Variants in RAPH1 observed in about 807,000 individuals in gnomAD.
RAPH1 encodes ras-associated and pleckstrin homology domains-containing protein 1.
In RAPH1, 18 loss-of-function variants were observed where a neutral mutation model predicts 88.1. The observed-to-expected ratio is 0.20, with a 90% confidence interval of 0.14 to 0.30. The LOEUF (loss-of-function observed/expected upper bound fraction) is 0.30, where lower values mean the gene tolerates loss of function less well. Ranked by LOEUF, RAPH1 falls within the 10% of genes least tolerant of loss-of-function variation. RAPH1 has a pLI of 1.00. For missense variants in RAPH1, 1,448 were observed against 1,543.2 expected (o/e 0.94, Z 1.03); for synonymous variants, 587 against 559.0 (o/e 1.05, Z -0.71).
intron 10 of RAPH1, among the ~76,000 whole-genome samples, chr2:203,452,547 T>G (rs1212817410): frequency 6.6e-6 from 1 of 152,214 alleles, no homozygotes; most frequent in Non-Finnish European, 1.5e-5. Context: ...CTCCTGTTGA[T>G]CTCTTATGTC....
chr2:203,513,217 G>GT (rs1689434689), intron 1 of RAPH1, among the ~76,000 whole-genome samples: 1 of 150,788 alleles, frequency 6.6e-6, no homozygotes, highest in South Asian at 2.1e-4. Flanking sequence ...AATGGGGGGG[G>GT]GAATAGATGA....
intron 1 of RAPH1, among the ~76,000 whole-genome samples, chr2:203,534,505 T>TCCCCCCCCCCCCCCCC (rs1486665508): frequency 1.4e-4 from 1 of 7,394 alleles, no homozygotes; most frequent in Non-Finnish European, 3.7e-4. Flanking sequence ...CCTCCCTCCG[T>TCCCCCCCCCCCCCCCC]CCACCCCCCC....
At chr2:203,531,280 A>G (rs1209422840) in intron 1 of RAPH1, among the ~76,000 whole-genome samples, 1 of 152,174 alleles carries the variant, frequency 6.6e-6, no homozygotes, top group African/African-American at 2.4e-5. Context: ...GGGGAGGGAT[A>G]GCACTAGGAG....
intron 1 of RAPH1, among the ~76,000 whole-genome samples, chr2:203,513,299 A>G (rs931537345): frequency 3.4e-5 from 5 of 148,482 alleles, no homozygotes; most frequent in African/African-American, 1.2e-4. Flanking sequence ...CTACTATTTA[A>G]TTACTGACTT....
At chr2:203,493,432 C>T (rs1402525881) in intron 2 of RAPH1, among the ~76,000 whole-genome samples, 1 of 152,152 alleles carries the variant, frequency 6.6e-6, no homozygotes, top group South Asian at 2.1e-4. Context: ...TGTCAGCTGG[C>T]CCTTGCATAC....
chr2:203,482,626 T>C (rs1394290629), intron 4 of RAPH1, among the ~76,000 whole-genome samples: 1 of 152,128 alleles, frequency 6.6e-6, no homozygotes, highest in African/African-American at 2.4e-5. Flanking sequence ...AAAAATACAC[T>C]GTCATGTATA....
rs948029446 is a variant in RAPH1 at position 203,441,290 on chromosome 2, G to A, written c.1900C>T (p.Pro634Ser). 1.4e-5 allele frequency: 21 copies of A among 1,532,704 alleles called. No individual in the cohort carries two copies. The highest frequency in any genetic ancestry group is 1.8e-5 in the Non-Finnish European group (21 of 1,138,166). 94.9% of individuals were successfully genotyped at this position (1,532,704 alleles called of 1,614,324 possible). A position where few individuals can be genotyped will look rare whatever the true frequency, so the allele number is the denominator to read the frequency against. ...GGAGGGGGTGGTGGAGGAGGAGGTG[G>A]GGGTGGCGGAGGAGGTAGAGGTGGT... ...PSPPLPPPPP[P>S]PPPPPPPPPP... is the part of the protein sequence containing the mutation. Residue 634 changes from proline to serine, a missense_variant, in exon 14 of 14, where the codon CCA becomes TCA. Transcript: ENST00000319170.
At position 203,439,614 on chromosome 2, in the gene RAPH1, T is replaced by A. The variant is rs777827792; in HGVS notation, c.3576A>T (p.Glu1192Asp). 6.2e-7 allele frequency: 1 copy of A among 1,614,094 alleles called. No homozygotes were observed. Among genetic ancestry groups the A allele is most frequent in the Non-Finnish European group, 8.5e-7 (1 of 1,180,012 alleles). ...CCATATCATCCATGGTGGCTGTTGG[T>A]TCTGCTCTGGACATGCGGGAGGAGA... ...GSLSSRMSRA[E>D]PTATMDDMAL... Residue 1192 changes from glutamate (E) to aspartate (D), a missense_variant, in exon 14 of 14, where the codon GAA becomes GAT. Physicochemically the swap from Glu to Asp is conservative, Grantham distance 45. Around this residue, in one of 2 missense-constraint regions of RAPH1, gnomAD observed 935 missense variants for 890.1 expected, o/e 1.05. Coordinates refer to ENST00000319170, the MANE Select transcript of RAPH1 (RefSeq NM_213589.3).
chr2:203,523,263 G>A (rs1689971901), intron 1 of RAPH1, among the ~76,000 whole-genome samples: 1 of 151,732 alleles, frequency 6.6e-6, no homozygotes, highest in African/African-American at 2.4e-5. Context: ...CGTGGTGGCG[G>A]GCGCCTGTAG....
At chr2:203,482,764 C>T (rs1687785331) in intron 4 of RAPH1, among the ~76,000 whole-genome samples, 1 of 152,004 alleles carries the variant, frequency 6.6e-6, no homozygotes, top group Non-Finnish European at 1.5e-5. Flanking sequence ...GATGGCACCA[C>T]TGCACTCCAG....
intron 1 of RAPH1, among the ~76,000 whole-genome samples, chr2:203,504,452 G>A (rs1688887809): frequency 6.6e-6 from 1 of 152,154 alleles, no homozygotes; most frequent in Non-Finnish European, 1.5e-5. Context: ...GGAGTGGCTG[G>A]GACACAGGGC....
At chr2:203,472,490 A>AC (rs1474715501) in intron 4 of RAPH1, among the ~76,000 whole-genome samples, 2 of 152,160 alleles carry the variant, frequency 1.3e-5, no homozygotes, top group Non-Finnish European at 2.9e-5. Flanking sequence ...AGCAACTATA[A>AC]CTTTCATTGC....
chr2:203,469,927 A>C (rs2098531603), intron 4 of RAPH1, among the ~76,000 whole-genome samples: 1 of 152,260 alleles, frequency 6.6e-6, no homozygotes, highest in African/African-American at 2.4e-5. Context: ...AAAAGTTACA[A>C]TTAAAGCAAT....
intron 4 of RAPH1, among the ~76,000 whole-genome samples, chr2:203,481,331 T>C (rs1188346786): frequency 4.6e-5 from 7 of 152,092 alleles, no homozygotes; most frequent in Non-Finnish European, 1.0e-4. Context: ...CTACCTCCGT[T>C]CCTTCCATTG....
At chr2:203,444,620 GT>G (rs200279856) in intron 13 of RAPH1, 11 of 416,220 alleles carry the variant, frequency 2.6e-5, no homozygotes, top group African/African-American at 8.2e-5. Context: ...TAAACTGCCA[GT>G]TTTTTTTGTT....
At chr2:203,501,214 G>A (rs914951541) in intron 1 of RAPH1, among the ~76,000 whole-genome samples, 1 of 152,174 alleles carries the variant, frequency 6.6e-6, no homozygotes, top group Non-Finnish European at 1.5e-5. Flanking sequence ...AAAAGGAGGA[G>A]AGAGGAAGTC....
intron 3 of RAPH1, 55 bp downstream of exon 3, chr2:203,491,159 C>T: frequency 1.7e-6 from 2 of 1,211,176 alleles, no homozygotes; most frequent in Non-Finnish European, 1.2e-6. Flanking sequence ...TGTACTGCTC[C>T]TACATTGTGT....
Position 203,439,635 on chromosome 2 carries a change from G to C in RAPH1, c.3555C>G (p.Ser1185=), listed in dbSNP as rs1300779613. ...TTGGTTCTGCTCTGGACATGCGGGA[G>C]GAGAGTGAGCCGTGCCGAGTGATGG... The part of the protein sequence containing the change: ...RKSITRHGSL[S]SRMSRAEPTA... The change falls in exon 14 of 14, where the codon TCC becomes TCG. Residue 1185 remains serine, a synonymous_variant. Transcript: ENST00000319170. 3.1e-6 allele frequency: 5 copies of C among 1,614,174 alleles called. No homozygotes were observed. The highest frequency in any genetic ancestry group is 3.4e-6 in the Non-Finnish European group (4 of 1,180,024).
Position 203,479,605 on chromosome 2 carries a change from CAA to C in RAPH1, c.732+9977_732+9978del, listed in dbSNP as rs796562365. On this transcript the variant is annotated intron_variant, in intron 4 of 13. Coordinates refer to ENST00000319170, the MANE Select transcript of RAPH1 (RefSeq NM_213589.3). ...CCTGAGCAACAGAGCAAGACTGACTCAAAAAAAAAAAAAAAAAATTAAATCTG... is the reference window on the plus strand; with the variant it reads ...CCTGAGCAACAGAGCAAGACTGACTCAAAAAAAAAAAAAAAATTAAATCTG... Among the ~76,000 whole-genome samples the C allele has an allele frequency of 7.9e-4, 51 of 64,172 alleles. No individual in the cohort carries two copies. In the East Asian group the frequency reaches 0.01, roughly 13 times the overall value. 42.1% of individuals were successfully genotyped at this position (64,172 alleles called of 152,430 possible). A position where few individuals can be genotyped will look rare whatever the true frequency, so the allele number is the denominator to read the frequency against.
Sources: allele counts gnomAD v4.1 joint callset (sites outside exome capture counted in the v4.1 genomes callset), GRCh38; gene constraint gnomAD v4.1.1; regional missense constraint gnomAD v4.1.1; transcripts MANE v1.5; gene names NCBI Gene and HGNC (gene_info 2026-07-23, HGNC 2026-07-21).